MIR2052HG: variants seen among roughly 807,000 people sequenced by gnomAD.
MIR2052HG encodes MIR2052 host gene.
intron 2 of MIR2052HG, among the ~76,000 whole-genome samples, chr8:74,700,735 A>C (rs2128740795): frequency 6.6e-6 from 1 of 152,210 alleles, no homozygotes; most frequent in East Asian, 1.9e-4. Flanking sequence ...ATCCTTGATG[A>C]AAAAATAATG....
intron 4 of MIR2052HG, among the ~76,000 whole-genome samples, chr8:74,745,704 G>C (rs1161312833): frequency 6.6e-6 from 1 of 152,186 alleles, no homozygotes; most frequent in Non-Finnish European, 1.5e-5. Context: ...AAAGCACTAT[G>C]TGGATGGCTA....
intron 4 of MIR2052HG, among the ~76,000 whole-genome samples, chr8:74,737,469 C>T (rs1289458985): frequency 1.3e-5 from 2 of 152,046 alleles, no homozygotes; most frequent in Non-Finnish European, 2.9e-5. Flanking sequence ...CTTTGTTGGG[C>T]GTTTTGTCCA....
intron 2 of MIR2052HG, among the ~76,000 whole-genome samples, chr8:74,664,524 T>G (rs1808900748): frequency 6.6e-6 from 1 of 152,180 alleles, no homozygotes. Flanking sequence ...CCTTTTTTAT[T>G]TTTATTTTTT....
intron 5 of MIR2052HG, among the ~76,000 whole-genome samples, chr8:74,753,054 A>AT (rs1809964731): frequency 2.0e-5 from 3 of 152,216 alleles, no homozygotes; most frequent in Non-Finnish European, 4.4e-5. Flanking sequence ...GAAGGTAGGT[A>AT]TTTTTTAAAA....
chr8:74,738,538 C>G (rs767848218), intron 4 of MIR2052HG, among the ~76,000 whole-genome samples: 1 of 152,158 alleles, frequency 6.6e-6, no homozygotes, highest in Non-Finnish European at 1.5e-5. Flanking sequence ...AGTTACAGCT[C>G]TATATCAGAA....
chr8:74,679,403 G>T (rs752002562), intron 2 of MIR2052HG, among the ~76,000 whole-genome samples: 1 of 151,948 alleles, frequency 6.6e-6, no homozygotes. Flanking sequence ...CTCCATCCAG[G>T]TGGCTACGAG....
intron 2 of MIR2052HG, among the ~76,000 whole-genome samples, chr8:74,669,562 C>A (rs544595484): frequency 1.3e-5 from 2 of 152,314 alleles, no homozygotes; most frequent in East Asian, 3.9e-4. Flanking sequence ...CAAATCCAAA[C>A]TTTTCACCAG....
chr8:74,649,171 G>A (rs943163345), intron 2 of MIR2052HG, among the ~76,000 whole-genome samples: 3 of 152,052 alleles, frequency 2.0e-5, no homozygotes, highest in African/African-American at 4.8e-5. Context: ...TGATTGATAC[G>A]GACTTTTAAG....
chr8:74,658,344 G>T (rs906774476), intron 2 of MIR2052HG, among the ~76,000 whole-genome samples: 4 of 150,216 alleles, frequency 2.7e-5, no homozygotes, highest in Non-Finnish European at 4.4e-5. Flanking sequence ...AGCAGGGATT[G>T]TTGTCTTGTC....
rs189904179 is a variant in MIR2052HG at position 74,629,831 on chromosome 8, C to A, written n.216+16891C>A. ...AATAGGGATGTTTCCCCAGCAACATCCTTAGCCCTGTGCTCACAACTGTTA... is the reference window on the plus strand; with the variant it reads ...AATAGGGATGTTTCCCCAGCAACATACTTAGCCCTGTGCTCACAACTGTTA... On this transcript the variant is annotated intron_variant and non_coding_transcript_variant, in intron 2 of 6. Coordinates refer to ENST00000523442, the Ensembl canonical transcript of MIR2052HG. Among the ~76,000 whole-genome samples, 10 of 152,274 alleles carry A rather than the reference C, an allele frequency of 6.6e-5. No homozygotes were observed. The East Asian group carries it at 1.7e-3, about 26-fold the overall frequency.
At chr8:74,734,485 T>TTGGAATCTTCTGATATCCAAGATCAGATC (rs1809727026) in intron 4 of MIR2052HG, among the ~76,000 whole-genome samples, 2 of 152,192 alleles carry the variant, frequency 1.3e-5, no homozygotes, top group Non-Finnish European at 2.9e-5. Flanking sequence ...AAGATCAGAT[T>TTGGAATCTTCTGATATCCAAGATCAGATC]TGGAATCTTC....
At chr8:74,721,033 C>T (rs77026221) in intron 4 of MIR2052HG, among the ~76,000 whole-genome samples, 4,584 of 152,180 alleles carry the variant, frequency 0.03, 139 homozygotes, top group African/African-American at 0.066. Context: ...GACACAGAGC[C>T]AAACCATATC....
chr8:74,634,799 C>T (rs554872077), intron 2 of MIR2052HG, among the ~76,000 whole-genome samples: 1 of 152,132 alleles, frequency 6.6e-6, no homozygotes, highest in East Asian at 1.9e-4. Context: ...AAACGGACAA[C>T]GAAATCTGAG....
rs538480280 is a variant in MIR2052HG, at chr8:74,655,149, G to C, written n.216+42209G>C. Among the ~76,000 whole-genome samples, 14 of 152,310 alleles carry C rather than the reference G, an allele frequency of 9.2e-5. No individual in the cohort carries two copies. The East Asian group carries it at 2.7e-3, about 29-fold the overall frequency. On this transcript the variant is annotated intron_variant and non_coding_transcript_variant, in intron 2 of 6. Coordinates refer to ENST00000523442, the Ensembl canonical transcript of MIR2052HG. ...GCATTCAAGAGGTGACTTTGGTGCT[G>C]TTAAAAGCATTCCATTTTAAAAGAA... is the stretch of plus-strand genomic sequence containing the variant.
intron 2 of MIR2052HG, among the ~76,000 whole-genome samples, chr8:74,699,416 GTATA>G (rs139522494): frequency 0.02 from 2,944 of 147,786 alleles, 83 homozygotes; most frequent in African/African-American, 0.067. Context: ...GTGTGTGTGT[GTATA>G]TATATATATA....
intron 2 of MIR2052HG, among the ~76,000 whole-genome samples, chr8:74,650,337 G>T (rs1266223414): frequency 1.3e-5 from 2 of 151,996 alleles, no homozygotes; most frequent in East Asian, 3.9e-4. Flanking sequence ...GTTTTTTGAG[G>T]TTCACTCATG....
chr8:74,756,158 T>G (rs1222760905), intron 5 of MIR2052HG, among the ~76,000 whole-genome samples: 1 of 152,220 alleles, frequency 6.6e-6, no homozygotes, highest in Admixed American at 6.5e-5. Context: ...AATTATAGTT[T>G]CATTACAAAG....
intron 4 of MIR2052HG, among the ~76,000 whole-genome samples, chr8:74,738,705 A>G (rs1336647801): frequency 6.6e-6 from 1 of 152,220 alleles, no homozygotes; most frequent in Non-Finnish European, 1.5e-5. Flanking sequence ...AAAAATGGTG[A>G]ATATTTCTCA....
intron 1 of MIR2052HG, among the ~76,000 whole-genome samples, chr8:74,601,118 C>G (rs1807994146): frequency 6.6e-6 from 1 of 152,198 alleles, no homozygotes. Flanking sequence ...TGGCTAGGAA[C>G]TCAGCCAATT....
Sources: allele counts gnomAD v4.1 joint callset (sites outside exome capture counted in the v4.1 genomes callset), GRCh38; gene constraint gnomAD v4.1.1; transcripts MANE v1.5; gene names NCBI Gene and HGNC (gene_info 2026-07-23, HGNC 2026-07-21).